SRPK2: variants seen among roughly 807,000 people sequenced by gnomAD.
SRPK2 encodes the protein SRSF protein kinase 2.
Under a neutral mutation model 90.8 loss-of-function variants are expected in SRPK2, and 21 were observed. The observed-to-expected ratio is 0.23, with a 90% CI of 0.16 to 0.33. SRPK2 has a LOEUF of 0.33. SRPK2 is among the 10% of genes least tolerant of loss of function. The pLI is 1.00. For synonymous variants in SRPK2, 288 were observed against 311.1 expected, an observed-to-expected ratio of 0.93 and a Z score of 0.78; for missense variants, 620 against 869.0, an observed-to-expected ratio of 0.71 and a Z score of 3.60.
At chr7:105,196,196 A>G (rs1419385134) in intron 3 of SRPK2, among the ~76,000 whole-genome samples, 1 of 152,250 alleles carries the variant, frequency 6.6e-6, no homozygotes, top group Non-Finnish European at 1.5e-5. Flanking sequence ...TGCTTTGTTC[A>G]CATAGATAGG....
chr7:105,161,171 C>G (rs965155987), intron 6 of SRPK2, among the ~76,000 whole-genome samples: 1 of 152,140 alleles, frequency 6.6e-6, no homozygotes, highest in Non-Finnish European at 1.5e-5. Context: ...ATGATCCACC[C>G]GCCTTGGGCT....
intron 2 of SRPK2, among the ~76,000 whole-genome samples, chr7:105,284,240 G>A (rs897785459): frequency 6.6e-6 from 1 of 152,148 alleles, no homozygotes; most frequent in Non-Finnish European, 1.5e-5. Context: ...GGTCATTTGG[G>A]CTTGGTTATA....
At chr7:105,277,055 C>T (rs1043150747) in intron 2 of SRPK2, among the ~76,000 whole-genome samples, 1 of 151,562 alleles carries the variant, frequency 6.6e-6, no homozygotes, top group Non-Finnish European at 1.5e-5. Flanking sequence ...TTATGGAGCC[C>T]TTCTTGGTGT....
intron 2 of SRPK2, 107 bp from the exon 3 acceptor site, chr7:105,203,892 C>T (rs1408744390): frequency 7.5e-7 from 1 of 1,325,018 alleles, no homozygotes; most frequent in Non-Finnish European, 1.0e-6. Flanking sequence ...TTGTCACATA[C>T]TAAGAAGAAA....
chr7:105,278,543 G>A (rs753230586), intron 2 of SRPK2, among the ~76,000 whole-genome samples: 5 of 151,166 alleles, frequency 3.3e-5, no homozygotes, highest in African/African-American at 9.7e-5. Context: ...AAAAATAGCC[G>A]GGAGTGGTGG....
intron 2 of SRPK2, among the ~76,000 whole-genome samples, chr7:105,209,324 G>A (rs1796580303): frequency 1.3e-5 from 2 of 152,100 alleles, no homozygotes; most frequent in African/African-American, 2.4e-5. Context: ...GCCACAGTGG[G>A]TATATCAGTT....
intron 13 of SRPK2, 52 bp downstream of exon 13, chr7:105,132,739 G>T: frequency 7.0e-7 from 1 of 1,429,326 alleles, no homozygotes; most frequent in Non-Finnish European, 9.7e-7. Context: ...CATCCAGAGT[G>T]TGAAAGGAAC....
At position 105,165,006 on chromosome 7, in the gene SRPK2, G is replaced by A. The variant is rs1789852810; in HGVS notation, c.514+2371C>T. On this transcript the variant is annotated intron_variant, in intron 6 of 15. Coordinates refer to ENST00000393651, the MANE Select transcript of SRPK2 (RefSeq NM_182692.3). ...AAAATGAAAGTACTGCCTACTCCAG[G>A]CACACAAAGGGCTATCTCAGAGGAT... Among the ~76,000 whole-genome samples, 3 of 152,130 alleles carry A rather than the reference G, an allele frequency of 2.0e-5. No homozygotes were observed. The South Asian group carries it at 6.2e-4, about 32-fold the overall frequency.
Position 105,351,715 on chromosome 7 carries a change from A to C in SRPK2, c.71+36933T>G, listed in dbSNP as rs192124058. ...GCTACTCGGGAGGCTGAGGCAGCAA[A>C]ATCGCTTGAACCCGGGGGGCGGAGG... is the stretch of plus-strand genomic sequence containing the variant. On this transcript the variant is annotated intron_variant, in intron 2 of 15. Transcript: ENST00000393651. Among the ~76,000 whole-genome samples, 424 of 151,784 alleles carry C rather than the reference A, an allele frequency of 2.8e-3. 10 individuals are homozygous for C. In the East Asian group the frequency reaches 0.054, roughly 19 times the overall value.
At chr7:105,152,064 C>G (rs796454008) in intron 7 of SRPK2, among the ~76,000 whole-genome samples, 3 of 151,426 alleles carry the variant, frequency 2.0e-5, no homozygotes, top group African/African-American at 7.3e-5. Context: ...TCAGTTGTTT[C>G]CATTTCTAAT....
intron 3 of SRPK2, among the ~76,000 whole-genome samples, chr7:105,181,496 AC>A (rs1480927863): frequency 1.3e-5 from 2 of 152,214 alleles, no homozygotes; most frequent in Non-Finnish European, 2.9e-5. Flanking sequence ...GGATAAAGAA[AC>A]CGTGGTACAC....
chr7:105,241,084 G>A (rs1051126690), intron 2 of SRPK2, among the ~76,000 whole-genome samples: 3 of 152,070 alleles, frequency 2.0e-5, no homozygotes, highest in Admixed American at 2.0e-4. Context: ...CTTTAAAAGA[G>A]GCTGCATGGT....
At chr7:105,225,129 T>C (rs1798561409) in intron 2 of SRPK2, among the ~76,000 whole-genome samples, 1 of 152,080 alleles carries the variant, frequency 6.6e-6, no homozygotes, top group Admixed American at 6.6e-5. Flanking sequence ...GAGGTTTAGA[T>C]CACTTGAGTC....
At chr7:105,176,676 T>C (rs1305291734) in intron 3 of SRPK2, among the ~76,000 whole-genome samples, 1 of 148,022 alleles carries the variant, frequency 6.8e-6, no homozygotes, top group Non-Finnish European at 1.5e-5. Context: ...TATAGATGTA[T>C]GCATGTGTGT....
chr7:105,287,511 GA>G (rs1808328472), intron 2 of SRPK2, among the ~76,000 whole-genome samples: 1 of 152,036 alleles, frequency 6.6e-6, no homozygotes, highest in African/African-American at 2.4e-5. Flanking sequence ...CTGAGGAGGG[GA>G]GATCACTTGA....
chr7:105,171,262 T>C (rs1445211248), intron 3 of SRPK2, among the ~76,000 whole-genome samples: 1 of 152,188 alleles, frequency 6.6e-6, no homozygotes, highest in Non-Finnish European at 1.5e-5. Context: ...GGTACACTTT[T>C]TGTGAAATAC....
At chr7:105,354,888 C>A (rs556474252) in intron 2 of SRPK2, among the ~76,000 whole-genome samples, 1 of 152,120 alleles carries the variant, frequency 6.6e-6, no homozygotes, top group Admixed American at 6.6e-5. Flanking sequence ...TCAACAGGCA[C>A]GCCCCATATT....
chr7:105,185,713 G>A (rs968734438), intron 3 of SRPK2, among the ~76,000 whole-genome samples: 4 of 152,102 alleles, frequency 2.6e-5, no homozygotes. Context: ...ACTGATTTTT[G>A]AGCCTCACTC....
chr7:105,173,925 T>G (rs1328614916), intron 3 of SRPK2, among the ~76,000 whole-genome samples: 2 of 146,040 alleles, frequency 1.4e-5, no homozygotes, highest in East Asian at 3.9e-4. Context: ...TGTTGGTGTT[T>G]TTTTTTTTTT....
Sources: allele counts gnomAD v4.1 joint callset (sites outside exome capture counted in the v4.1 genomes callset), GRCh38; gene constraint gnomAD v4.1.1; transcripts MANE v1.5; gene names NCBI Gene and HGNC (gene_info 2026-07-23, HGNC 2026-07-21).